CCNY: variants seen among roughly 807,000 people sequenced by gnomAD.
CCNY encodes cyclin Y.
A neutral mutation model predicts 42.8 loss-of-function variants in CCNY; 19 were observed. That is an observed-to-expected ratio of 0.44 (90% CI 0.31 to 0.65). The LOEUF (loss-of-function observed/expected upper bound fraction) is 0.65. Among genes scored for constraint, CCNY ranks in the 30% least tolerant of loss-of-function variants. The pLI, the probability that CCNY is intolerant of heterozygous loss-of-function variation, is 0.07. For missense variants in CCNY, 370 were observed against 437.3 expected, an observed-to-expected ratio of 0.85 and a Z score of 1.37; for synonymous variants, 165 against 162.7, an observed-to-expected ratio of 1.01 and a Z score of -0.11.
upstream of CCNY, among the ~76,000 whole-genome samples, chr10:35,332,596 T>C (rs899596090): frequency 6.6e-6 from 1 of 152,236 alleles, no homozygotes; most frequent in Admixed American, 6.5e-5. Flanking sequence ...AGCACTGACT[T>C]AGCTATAGTT....
At chr10:35,490,050 C>T (rs975195723) in intron 2 of CCNY, among the ~76,000 whole-genome samples, 2 of 152,148 alleles carry the variant, frequency 1.3e-5, no homozygotes, top group Non-Finnish European at 2.9e-5. Flanking sequence ...TTCAGCGTAT[C>T]GTGATTTATT....
chr10:35,478,589 G>T (rs61601518), intron 1 of CCNY, among the ~76,000 whole-genome samples: 7,561 of 152,160 alleles, frequency 0.05, 535 homozygotes, highest in African/African-American at 0.16. Flanking sequence ...TAGCCATATG[G>T]AGAAAGCTGA....
intron 3 of CCNY, among the ~76,000 whole-genome samples, chr10:35,271,023 C>T (rs1043667362): frequency 1.3e-5 from 2 of 152,102 alleles, no homozygotes; most frequent in African/African-American, 4.8e-5. Context: ...CCAAGCTTGG[C>T]CTTGGTATAT....
At chr10:35,477,220 T>C (rs942637352) in intron 1 of CCNY, among the ~76,000 whole-genome samples, 1 of 152,192 alleles carries the variant, frequency 6.6e-6, no homozygotes, top group African/African-American at 2.4e-5. Flanking sequence ...AAAGAGGAAC[T>C]GGTACCTTTC....
intron 3 of CCNY, among the ~76,000 whole-genome samples, chr10:35,281,455 G>A (rs1162806912): frequency 8.6e-5 from 13 of 151,666 alleles, no homozygotes; most frequent in East Asian, 5.8e-4. Context: ...ACCTGCCACC[G>A]TGCCCAGCTA....
In CCNY at chr10:35,569,109, A is replaced by G; in HGVS notation, c.965A>G (p.Lys322Arg). The G allele has an allele frequency of 6.2e-7, 1 of 1,612,880 alleles. No individual in the cohort carries two copies. Among genetic ancestry groups the G allele is most frequent in the South Asian group, 1.1e-5 (1 of 91,072 alleles). ...KYKDLRRSAR[K>R]RSASADNLTL... is the part of the protein sequence containing the mutation. ...AAGGACCTAAGAAGATCCGCGAGGA[A>G]GCGCTCAGCCAGTGCAGACAACCTG... is the stretch of plus-strand genomic sequence containing the variant. Residue 322 changes from lysine to arginine, a missense_variant, in exon 10 of 10, where the codon AAG (lysine) becomes AGG (arginine). Lys to Arg is a conservative substitution (Grantham distance 26, BLOSUM62 2). Coordinates refer to ENST00000374704, the MANE Select transcript of CCNY (RefSeq NM_145012.6).
chr10:35,549,722 C>A (rs991127684), intron 7 of CCNY, among the ~76,000 whole-genome samples: 1 of 146,314 alleles, frequency 6.8e-6, no homozygotes, highest in Non-Finnish European at 1.5e-5. Flanking sequence ...TGCTTGTGAC[C>A]CTGCGCTGCT....
chr10:35,271,364 G>T (rs752827736), intron 3 of CCNY, among the ~76,000 whole-genome samples: 1 of 152,120 alleles, frequency 6.6e-6, no homozygotes, highest in Non-Finnish European at 1.5e-5. Flanking sequence ...ACTTCAGGGG[G>T]AGCCATTCAG....
intron 1 of CCNY, among the ~76,000 whole-genome samples, chr10:35,422,057 T>G (rs1437446461): frequency 6.6e-6 from 1 of 152,208 alleles, no homozygotes; most frequent in Non-Finnish European, 1.5e-5. Context: ...GAGCCTGCAC[T>G]CTTAAATGCT....
At chr10:35,255,910 C>G (rs1481188703) in intron 3 of CCNY, among the ~76,000 whole-genome samples, 1 of 152,158 alleles carries the variant, frequency 6.6e-6, no homozygotes, top group Non-Finnish European at 1.5e-5. Context: ...ATTATTAAAT[C>G]TTCTTGCTGT....
chr10:35,406,911 C>A (rs1347115882), intron 1 of CCNY, among the ~76,000 whole-genome samples: 5 of 152,218 alleles, frequency 3.3e-5, no homozygotes, highest in Non-Finnish European at 7.4e-5. Flanking sequence ...GGCAGAGGGG[C>A]TTTTTGGAGC....
chr10:35,509,726 G>T (rs1840287264), intron 3 of CCNY, among the ~76,000 whole-genome samples: 1 of 152,170 alleles, frequency 6.6e-6, no homozygotes, highest in South Asian at 2.1e-4. Flanking sequence ...CTCTCTCCCA[G>T]CCGGGTGCCT....
chr10:35,304,459 G>A lies in CCNY; in HGVS notation c.-9+53833G>A, dbSNP rs1426576284. The stretch of plus-strand genomic sequence containing the variant: ...CAAGTAGCTGGGACTACAGGCGCCC[G>A]CCACTACGCCCGGCTAATTTTTTTG... On this transcript the variant is annotated intron_variant, in intron 3 of 11. Coordinates refer to the CCNY transcript ENST00000374706. Among the ~76,000 whole-genome samples the A allele has an allele frequency of 2.8e-5, 3 of 107,536 alleles. 1 individual carries two copies. The Admixed American group carries it at 2.9e-4, about 10-fold the overall frequency. The allele number at this position is 107,536 out of a possible 152,430, so 70.5% of individuals were successfully genotyped here.
At chr10:35,545,770 T>C (rs992668133) in intron 7 of CCNY, among the ~76,000 whole-genome samples, 23 of 152,198 alleles carry the variant, frequency 1.5e-4, no homozygotes, top group Non-Finnish European at 7.3e-5. Context: ...TGCTGTAGTT[T>C]AGGGTAAAGA....
chr10:35,429,565 C>T (rs1838339840), intron 1 of CCNY, among the ~76,000 whole-genome samples: 1 of 152,158 alleles, frequency 6.6e-6, no homozygotes, highest in Non-Finnish European at 1.5e-5. Context: ...TATTTAAACT[C>T]TTAACCTCAG....
intron 7 of CCNY, among the ~76,000 whole-genome samples, chr10:35,539,416 A>G (rs1351192336): frequency 2.6e-5 from 4 of 152,186 alleles, no homozygotes; most frequent in East Asian, 3.8e-4. Context: ...ATATCTTTCT[A>G]TTTATTTAGA....
At chr10:35,263,535 C>T (rs992042317) in intron 3 of CCNY, among the ~76,000 whole-genome samples, 2 of 149,534 alleles carry the variant, frequency 1.3e-5, no homozygotes, top group Non-Finnish European at 2.9e-5. Context: ...AGCAAAGACC[C>T]TGTCTTAAAA....
intron 3 of CCNY, among the ~76,000 whole-genome samples, chr10:35,508,103 C>T (rs943124703): frequency 6.6e-6 from 1 of 152,192 alleles, no homozygotes; most frequent in East Asian, 1.9e-4. Context: ...CCAGATTTAG[C>T]ATCTGTTGAT....
At chr10:35,277,734 T>A (rs1835255421) in intron 3 of CCNY, among the ~76,000 whole-genome samples, 2 of 152,148 alleles carry the variant, frequency 1.3e-5, no homozygotes, top group African/African-American at 4.8e-5. Flanking sequence ...CTTTTTTTTT[T>A]TTCCAAAAGA....
Sources: gnomAD v4.1 joint callset for allele counts (sites outside exome capture counted in the v4.1 genomes callset) on GRCh38, gnomAD v4.1.1 for gene constraint, MANE v1.5 for transcripts, NCBI Gene and HGNC (gene_info 2026-07-23, HGNC 2026-07-21) for gene names.